Variants in RELN observed in about 807,000 individuals in gnomAD.
RELN encodes reelin.
Under a neutral mutation model 427.6 loss-of-function variants are expected in RELN, and 108 were observed. The observed-to-expected ratio is 0.25, with a 90% CI of 0.22 to 0.30. The LOEUF (loss-of-function observed/expected upper bound fraction) is 0.30. Among genes scored for constraint, RELN ranks in the 10% least tolerant of loss-of-function variants. The pLI, the probability that RELN is intolerant of heterozygous loss-of-function variation, is 1.00. For missense variants in RELN, 3,715 were observed against 4,302.8 expected, an observed-to-expected ratio of 0.86 and a Z score of 3.82; for synonymous variants, 1,524 against 1,513.4, an observed-to-expected ratio of 1.01 and a Z score of -0.16.
At chr7:103,669,425 T>C (rs529691315) in intron 11 of RELN, among the ~76,000 whole-genome samples, 1 of 152,176 alleles carries the variant, frequency 6.6e-6, no homozygotes, top group Non-Finnish European at 1.5e-5. Flanking sequence ...GGCTCAAACA[T>C]GGTTGGAGGC....
At chr7:103,496,037 A>C (rs572539507) in intron 56 of RELN, 139 bp from the exon 57 acceptor site, 15 of 862,214 alleles carry the variant, frequency 1.7e-5, no homozygotes, top group Non-Finnish European at 2.6e-5. Context: ...CTTTCTGCTT[A>C]CACTTTAGGA....
chr7:103,594,088 T>G (rs1007945674), intron 26 of RELN, among the ~76,000 whole-genome samples: 4 of 152,228 alleles, frequency 2.6e-5, no homozygotes, highest in African/African-American at 9.6e-5. Context: ...TATCTAATCA[T>G]TTTATAAACA....
At chr7:103,909,459 A>T (rs1283449991) in intron 2 of RELN, among the ~76,000 whole-genome samples, 1 of 150,702 alleles carries the variant, frequency 6.6e-6, no homozygotes, top group Non-Finnish European at 1.5e-5. Flanking sequence ...AAGATTTACT[A>T]AAGTTTGAAG....
intron 57 of RELN, among the ~76,000 whole-genome samples, chr7:103,493,181 T>C (rs981460647): frequency 1.3e-5 from 2 of 152,088 alleles, no homozygotes; most frequent in Non-Finnish European, 2.9e-5. Context: ...AAAGAGTACT[T>C]AGTCAACTGT....
At chr7:103,963,636 A>C (rs973074538) in intron 1 of RELN, among the ~76,000 whole-genome samples, 1 of 152,196 alleles carries the variant, frequency 6.6e-6, no homozygotes. Flanking sequence ...GGTAAATATT[A>C]ATATTTGTTA....
At chr7:103,826,095 C>G (rs1348344471) in intron 3 of RELN, among the ~76,000 whole-genome samples, 2 of 151,964 alleles carry the variant, frequency 1.3e-5, no homozygotes, top group Non-Finnish European at 2.9e-5. Flanking sequence ...AGATGGGTTC[C>G]TGATAAAAGG....
At chr7:103,724,199 T>A (rs1790147020) in intron 7 of RELN, among the ~76,000 whole-genome samples, 1 of 152,106 alleles carries the variant, frequency 6.6e-6, no homozygotes, top group African/African-American at 2.4e-5. Flanking sequence ...TTTGTTTTTT[T>A]TGAGACAGAC....
rs2117139774 is a variant in RELN at position 103,545,202 on chromosome 7, T to C, written c.6445A>G (p.Ile2149Val). Reference sequence around the variant, plus strand: ...GGACCTGAGTAGCCAGGGTCACATATACATTTGGTTCCATTGATACAGCTC... The same window carrying C: ...GGACCTGAGTAGCCAGGGTCACATACACATTTGGTTCCATTGATACAGCTC... Reference protein sequence around the residue: ...QGSCINGTKCICDPGYSGPTC... With the variant: ...QGSCINGTKCVCDPGYSGPTC... The change falls in exon 42 of 65, where the codon ATA (isoleucine) becomes GTA (valine). Residue 2149 changes from isoleucine (I) to valine (V), a missense_variant. Coordinates refer to ENST00000428762, the MANE Select transcript of RELN (RefSeq NM_005045.4). The C allele has an allele frequency of 1.2e-6, 2 of 1,614,226 alleles. No homozygotes were observed. Among genetic ancestry groups the C allele is most frequent in the Non-Finnish European group, 1.7e-6 (2 of 1,180,036 alleles).
intron 20 of RELN, among the ~76,000 whole-genome samples, chr7:103,616,008 C>G (rs956034946): frequency 6.6e-6 from 1 of 152,086 alleles, no homozygotes; most frequent in African/African-American, 2.4e-5. Flanking sequence ...TCCTTAAAAG[C>G]AAATTCATGT....
intron 1 of RELN, among the ~76,000 whole-genome samples, chr7:103,930,291 T>C (rs1194849737): frequency 6.6e-6 from 1 of 152,148 alleles, no homozygotes; most frequent in Non-Finnish European, 1.5e-5. Flanking sequence ...ATGACATCAG[T>C]GATATTGGAT....
chr7:103,488,304 A>G (rs528191992), intron 60 of RELN, among the ~76,000 whole-genome samples: 139 of 152,324 alleles, frequency 9.1e-4, no homozygotes, highest in African/African-American at 3.3e-3. Context: ...CTTGATTTAA[A>G]CAGTACATTT....
At chr7:103,647,155 AG>A (rs1190503120) in intron 16 of RELN, among the ~76,000 whole-genome samples, 6 of 152,080 alleles carry the variant, frequency 3.9e-5, no homozygotes, top group African/African-American at 1.2e-4. Context: ...GAACATGATG[AG>A]GATGCCCACT....
intron 3 of RELN, among the ~76,000 whole-genome samples, chr7:103,794,592 CT>C (rs1280516768): frequency 6.6e-6 from 1 of 152,198 alleles, no homozygotes; most frequent in Non-Finnish European, 1.5e-5. Context: ...AAGTAGGATT[CT>C]CCCATGAGCC....
intron 1 of RELN, among the ~76,000 whole-genome samples, chr7:103,982,031 T>C (rs1797000883): frequency 6.6e-6 from 1 of 152,020 alleles, no homozygotes; most frequent in African/African-American, 2.4e-5. Flanking sequence ...CCTGGTCTAG[T>C]GGTGTGCACC....
At chr7:103,645,668 T>C (rs1176749570) in intron 16 of RELN, among the ~76,000 whole-genome samples, 1 of 151,472 alleles carries the variant, frequency 6.6e-6, no homozygotes, top group Non-Finnish European at 1.5e-5. Flanking sequence ...TGGGGTGCAA[T>C]ATATACAATA....
chr7:103,504,208 A>G (rs1405084275), intron 51 of RELN, among the ~76,000 whole-genome samples: 1 of 152,202 alleles, frequency 6.6e-6, no homozygotes, highest in Non-Finnish European at 1.5e-5. Flanking sequence ...CGTCTCAGAA[A>G]AAAAGGTCTT....
At position 103,819,998 on chromosome 7, in the gene RELN, T is replaced by C. The variant is rs1441638745; in HGVS notation, c.473+13539A>G. On this transcript the variant is annotated intron_variant, in intron 3 of 64. Transcript: ENST00000428762. ...CCTATTTATAAGTTCTGGTGATATA[T>C]GGATAATATAGATTTAATTGTTCAT... Among the ~76,000 whole-genome samples, 4 of 151,992 alleles carry C rather than the reference T, an allele frequency of 2.6e-5. No individual in the cohort carries two copies. The East Asian group carries it at 5.8e-4, about 22-fold the overall frequency.
At chr7:103,833,249 C>A (rs867782469) in intron 3 of RELN, among the ~76,000 whole-genome samples, 6 of 152,150 alleles carry the variant, frequency 3.9e-5, no homozygotes, top group Non-Finnish European at 8.8e-5. Flanking sequence ...CTGTTCCCCA[C>A]GTCCCCTACC....
chr7:103,580,693 T>C (rs1284599086), intron 28 of RELN, among the ~76,000 whole-genome samples: 2 of 152,188 alleles, frequency 1.3e-5, no homozygotes, highest in African/African-American at 2.4e-5. Flanking sequence ...GCAGTGATCA[T>C]TGTACCCAAT....
Sources: gnomAD v4.1 joint callset for allele counts (sites outside exome capture counted in the v4.1 genomes callset) on GRCh38, gnomAD v4.1.1 for gene constraint, MANE v1.5 for transcripts, NCBI Gene and HGNC (gene_info 2026-07-23, HGNC 2026-07-21) for gene names.